ASRGL1: variants seen among roughly 807,000 people sequenced by gnomAD.
The protein encoded by ASRGL1 is asparaginase and isoaspartyl peptidase 1.
Under a neutral mutation model 22.4 loss-of-function variants are expected in ASRGL1, and 16 were observed. That is an observed-to-expected ratio of 0.71 (90% CI 0.48 to 1.08). The LOEUF (loss-of-function observed/expected upper bound fraction) is 1.08. Ranked by LOEUF, ASRGL1 falls within the 50% of genes least tolerant of loss-of-function variation. The pLI is 0.00. For missense variants in ASRGL1, 412 were observed against 410.1 expected (o/e 1.00, Z -0.04); for synonymous variants, 165 against 159.3 (o/e 1.04, Z -0.27).
intron 3 of ASRGL1, among the ~76,000 whole-genome samples, 184 bp downstream of exon 3, chr11:62,356,651 G>A (rs1946304377): frequency 6.6e-6 from 1 of 152,180 alleles, no homozygotes; most frequent in Non-Finnish European, 1.5e-5. Flanking sequence ...CTTGACCAGT[G>A]AATGATTACT....
rs540876348 is a variant in ASRGL1, at chr11:62,385,207, G to A, written c.492-3926G>A. On this transcript the variant is annotated intron_variant, in intron 4 of 6. Coordinates refer to ENST00000415229, the MANE Select transcript of ASRGL1 (RefSeq NM_001083926.2). ...TGCTCTTCCCTTTCCCTGACAGTGA[G>A]TTTGAGCATTTTACATTTGTTTATG... 1.4e-3 allele frequency among the ~76,000 whole-genome samples: 210 copies of A among 152,378 alleles called. 1 individual carries two copies. The highest frequency in any genetic ancestry group is 4.8e-3 in the African/African-American group (198 of 41,570).
At chr11:62,367,110 G>A (rs1469962571) in intron 4 of ASRGL1, among the ~76,000 whole-genome samples, 13 of 151,450 alleles carry the variant, frequency 8.6e-5, no homozygotes, top group African/African-American at 2.2e-4. Context: ...AGGCTGAGGC[G>A]GGTGGATTAC....
chr11:62,365,658 G>A (rs1185033485), intron 4 of ASRGL1, among the ~76,000 whole-genome samples: 1 of 152,018 alleles, frequency 6.6e-6, no homozygotes, highest in Non-Finnish European at 1.5e-5. Context: ...GACCAGCCTG[G>A]CCAAGATGGT....
chr11:62,377,051 G>T (rs1015081217), intron 4 of ASRGL1, among the ~76,000 whole-genome samples: 2 of 152,208 alleles, frequency 1.3e-5, no homozygotes, highest in Non-Finnish European at 2.9e-5. Flanking sequence ...GGCAGGTGTA[G>T]GACTTGACAC....
intron 4 of ASRGL1, among the ~76,000 whole-genome samples, chr11:62,362,685 AAT>A (rs1219733435): frequency 2.3e-4 from 14 of 60,814 alleles, no homozygotes; most frequent in South Asian, 7.7e-4. Context: ...TATTATATAA[AAT>A]ATATATTATA....
At chr11:62,362,623 T>A (rs1184443899) in intron 4 of ASRGL1, among the ~76,000 whole-genome samples, 1 of 72,622 alleles carries the variant, frequency 1.4e-5, no homozygotes, top group African/African-American at 6.1e-5. Context: ...TATTATATAT[T>A]ATATAAAATA....
the ASRGL1 span, among the ~76,000 whole-genome samples, chr11:62,400,132 AG>A: frequency 6.6e-6 from 1 of 152,270 alleles, no homozygotes; most frequent in Admixed American, 6.5e-5. Flanking sequence ...CCCATAGGCC[AG>A]CCCCTCCTGG....
intron 4 of ASRGL1, 22 bp downstream of exon 4, chr11:62,357,166 C>T: frequency 6.2e-7 from 1 of 1,607,140 alleles, no homozygotes; most frequent in Non-Finnish European, 8.5e-7. Flanking sequence ...CTGTGGCTCG[C>T]ATTATTTGGG....
intron 2 of ASRGL1, among the ~76,000 whole-genome samples, chr11:62,341,195 GA>G (rs1365945080): frequency 2.1e-4 from 31 of 149,734 alleles, no homozygotes; most frequent in African/African-American, 7.4e-4. Context: ...GAGATAACAG[GA>G]TTTTTTTTTT....
chr11:62,386,182 TAAAA>T (rs1565174466), intron 4 of ASRGL1, among the ~76,000 whole-genome samples: 2 of 152,032 alleles, frequency 1.3e-5, no homozygotes, highest in South Asian at 2.1e-4. Context: ...AAAAGTAAAA[TAAAA>T]AAAGATTTTA....
intron 4 of ASRGL1, among the ~76,000 whole-genome samples, chr11:62,358,828 C>T (rs913952205): frequency 6.6e-5 from 10 of 152,172 alleles, no homozygotes; most frequent in African/African-American, 2.4e-4. Flanking sequence ...CCACTGTTGA[C>T]ATCAGAAATG....
intron 2 of ASRGL1, among the ~76,000 whole-genome samples, chr11:62,352,532 C>T (rs141573435): frequency 2.0e-3 from 304 of 151,562 alleles, no homozygotes; most frequent in African/African-American, 7.0e-3. Flanking sequence ...TGCAGTGAGC[C>T]GAGATCACAC....
chr11:62,371,848 G>A (rs565995204), intron 4 of ASRGL1: 1 of 528,356 alleles, frequency 1.9e-6, no homozygotes, highest in African/African-American at 1.9e-5. Flanking sequence ...CAGCTAATCA[G>A]GAGGCTGAGG....
intron 4 of ASRGL1, among the ~76,000 whole-genome samples, chr11:62,364,105 G>A (rs969766393): frequency 7.0e-6 from 1 of 141,910 alleles, no homozygotes; most frequent in Non-Finnish European, 1.5e-5. Flanking sequence ...GTTGCAGTGA[G>A]CTGAGATCAC....
At chr11:62,391,725 C>T (rs1407305715) in intron 6 of ASRGL1, 93 bp downstream of exon 6, 23 of 1,430,594 alleles carry the variant, frequency 1.6e-5, no homozygotes, top group Non-Finnish European at 2.1e-5. Context: ...GTAGGAAACC[C>T]TTTCCTGTTG....
intron 4 of ASRGL1, among the ~76,000 whole-genome samples, chr11:62,375,997 G>A (rs886768892): frequency 1.3e-5 from 2 of 151,584 alleles, no homozygotes; most frequent in African/African-American, 2.4e-5. Context: ...AGCTACTCAG[G>A]AGGCTGAGAC....
At chr11:62,340,424 G>A (rs559047289) in intron 2 of ASRGL1, among the ~76,000 whole-genome samples, 3 of 152,266 alleles carry the variant, frequency 2.0e-5, no homozygotes, top group East Asian at 3.9e-4. Flanking sequence ...TAAACCTTAC[G>A]CTTCTTAGCA....
intron 4 of ASRGL1, among the ~76,000 whole-genome samples, chr11:62,377,681 A>G (rs1300985094): frequency 6.6e-6 from 1 of 152,196 alleles, no homozygotes; most frequent in Non-Finnish European, 1.5e-5. Context: ...CCAATCTGCC[A>G]TGCACCAGAA....
chr11:62,372,482 A>T, intron 4 of ASRGL1: 1 of 1,384,416 alleles, frequency 7.2e-7, no homozygotes, highest in Non-Finnish European at 1.0e-6. Flanking sequence ...CACAACTCAG[A>T]TGGGAAGTTC....
Sources: allele counts gnomAD v4.1 joint callset (sites outside exome capture counted in the v4.1 genomes callset), GRCh38; gene constraint gnomAD v4.1.1; transcripts MANE v1.5; gene names NCBI Gene and HGNC (gene_info 2026-07-23, HGNC 2026-07-21).